ATP8B1: variants seen among roughly 807,000 people sequenced by gnomAD.
The protein encoded by ATP8B1 is ATPase phospholipid transporting 8B1.
ATP8B1 carries 80 observed loss-of-function variants against 149.9 expected under a neutral mutation model. The ratio of observed to expected loss-of-function variants is 0.53; its 90% CI spans 0.45 to 0.64. The LOEUF (loss-of-function observed/expected upper bound fraction) is 0.64. Among genes scored for constraint, ATP8B1 ranks in the 30% least tolerant of loss-of-function variants. The probability of loss-of-function intolerance (pLI) is 0.00; values close to 1 mark genes in which losing one functional copy is unlikely to be tolerated. For missense variants in ATP8B1, 1,247 were observed against 1,552.6 expected, an observed-to-expected ratio of 0.80 and a Z score of 3.31; for synonymous variants, 536 against 562.8, an observed-to-expected ratio of 0.95 and a Z score of 0.67.
At chr18:57,720,820 G>C (rs532984063) in intron 2 of ATP8B1, among the ~76,000 whole-genome samples, 1 of 151,826 alleles carries the variant, frequency 6.6e-6, no homozygotes, top group East Asian at 1.9e-4. Context: ...TGAAATGAAA[G>C]AAAAAATGTT....
At chr18:57,773,059 T>C (rs1410860752) in intron 1 of ATP8B1, among the ~76,000 whole-genome samples, 1 of 151,694 alleles carries the variant, frequency 6.6e-6, no homozygotes, top group African/African-American at 2.4e-5. Flanking sequence ...AAAAATTAGC[T>C]GGGTGTGGTG....
chr18:57,674,851 T>C lies in ATP8B1; in HGVS notation c.1802A>G (p.Lys601Arg), dbSNP rs770742986. 6.2e-7 allele frequency: 1 copy of C among 1,614,146 alleles called. No individual in the cohort carries two copies. Among genetic ancestry groups the C allele is most frequent in the Non-Finnish European group, 8.5e-7 (1 of 1,179,972 alleles). ...GGACTTACCAATGATAGACATTCGCTTCCGGTCACTGTTGAAGTCCAAAAT... is the reference window on the plus strand; with the variant it reads ...GGACTTACCAATGATAGACATTCGCCTCCGGTCACTGTTGAAGTCCAAAAT... Reference protein sequence around the residue: ...LAILDFNSDRKRMSIIVRTPE... With the variant: ...LAILDFNSDRRRMSIIVRTPE... The change falls in exon 16 of 28, where the codon AAG becomes AGG. Residue 601 changes from lysine (K) to arginine (R), a missense_variant. By Grantham distance (26) the Lys-to-Arg change is conservative. Transcript: ENST00000648908.
chr18:57,647,628 T>C lies in ATP8B1; in HGVS notation c.*860A>G, dbSNP rs576003762. 5.2e-4 allele frequency: 80 copies of C among 152,780 alleles called. No individual in the cohort carries two copies. The highest frequency in any genetic ancestry group is 1.8e-3 in the African/African-American group (74 of 41,586). 9.5% of individuals were successfully genotyped at this position (152,780 alleles called of 1,614,324 possible). A position where few individuals can be genotyped will look rare whatever the true frequency, so the allele number is the denominator to read the frequency against. On this transcript the variant is annotated 3_prime_UTR_variant, in exon 28 of 28. Coordinates refer to ENST00000648908, the MANE Select transcript of ATP8B1 (RefSeq NM_001374385.1). ...ACTGTAATTTTATAATACAATACCA[T>C]TTGAACTGAAATACAACATGCTTTG...
intron 1 of ATP8B1, among the ~76,000 whole-genome samples, chr18:57,770,894 C>T (rs568253842): frequency 2.0e-5 from 3 of 152,326 alleles, no homozygotes; most frequent in East Asian, 3.9e-4. Context: ...AACAGAGTCT[C>T]GCTCTGTCGC....
In ATP8B1 at chr18:57,652,137, A is replaced by G; in HGVS notation, c.3297T>C (p.Asn1099=). Residue 1099 remains asparagine, a synonymous_variant, in exon 26 of 28, where the codon AAT becomes AAC. Coordinates refer to ENST00000648908, the MANE Select transcript of ATP8B1 (RefSeq NM_001374385.1). ...GLDTSYWTFV[N]AFSIFGSIAL... Reference sequence around the variant, plus strand: ...CAATGCTTCCAAAAATTGAAAAAGCATTCACAAAAGTCCAATAAGAAGTAT... The same window carrying G: ...CAATGCTTCCAAAAATTGAAAAAGCGTTCACAAAAGTCCAATAAGAAGTAT... 6.2e-7 allele frequency: 1 copy of G among 1,614,196 alleles called. No homozygotes were observed. Among genetic ancestry groups the G allele is most frequent in the Non-Finnish European group, 8.5e-7 (1 of 1,180,010 alleles).
intron 2 of ATP8B1, 79 bp downstream of exon 2, chr18:57,731,548 C>T (rs537669782): frequency 7.5e-5 from 113 of 1,497,192 alleles, no homozygotes; most frequent in Non-Finnish European, 9.4e-5. Context: ...CAAAATAGAC[C>T]GATCATCTTT....
rs1286667862 is a variant in ATP8B1 at position 57,802,486 on chromosome 18, T to A, written c.-26+512A>T. On this transcript the variant is annotated intron_variant, in intron 1 of 27. Coordinates refer to ENST00000648908, the MANE Select transcript of ATP8B1 (RefSeq NM_001374385.1). This position sits in a 1 kb window ranked among gnomAD's most constrained non-coding sequence, Gnocchi z 4.9. The stretch of plus-strand genomic sequence containing the variant: ...GAGGAGAGCGATCTCACCCCCTCCA[T>A]CCCTCCCGGCAGGTGGGCCGCGGTC... Among the ~76,000 whole-genome samples, 2 of 152,016 alleles carry A rather than the reference T, an allele frequency of 1.3e-5. No individual in the cohort carries two copies. The highest frequency in any genetic ancestry group is 4.8e-5 in the African/African-American group (2 of 41,398).
chr18:57,662,890 A>G (rs1164640128), intron 20 of ATP8B1, among the ~76,000 whole-genome samples: 1 of 152,124 alleles, frequency 6.6e-6, no homozygotes, highest in African/African-American at 2.4e-5. Context: ...AGTTGCTGGG[A>G]CTATAGGCAC....
Position 57,655,177 on chromosome 18 carries a change from TAAC to T in ATP8B1, c.2931+14_2931+16del. On this transcript the variant is annotated intron_variant, in intron 23 of 27. Coordinates refer to ENST00000648908, the MANE Select transcript of ATP8B1 (RefSeq NM_001374385.1). ...AGCTCTACTTAGTAAATAACAATAA[TAAC>T]AACATTACATTACCTGCGCAGAGTA... 2 of 1,575,892 alleles carry T rather than the reference TAAC, an allele frequency of 1.3e-6. No homozygotes were observed. The highest frequency in any genetic ancestry group is 1.1e-5 in the South Asian group (1 of 90,256).
chr18:57,780,919 A>G (rs747156664), intron 1 of ATP8B1, among the ~76,000 whole-genome samples: 1 of 152,224 alleles, frequency 6.6e-6, no homozygotes, highest in African/African-American at 2.4e-5. Context: ...TGATTCCAAC[A>G]GAATTTCTAC....
intron 1 of ATP8B1, among the ~76,000 whole-genome samples, chr18:57,741,253 C>A: frequency 6.6e-6 from 1 of 152,052 alleles, no homozygotes; most frequent in East Asian, 1.9e-4. Flanking sequence ...TGCTTCTAAC[C>A]AATAGAATAT....
At chr18:57,668,756 C>T (rs773424846) in intron 18 of ATP8B1, 1 of 505,982 alleles carries the variant, frequency 2.0e-6, no homozygotes, top group Non-Finnish European at 3.5e-6. Flanking sequence ...AAAGGATGAA[C>T]TATTTAATTT....
chr18:57,656,352 C>T (rs1249273442), intron 22 of ATP8B1, among the ~76,000 whole-genome samples: 1 of 150,662 alleles, frequency 6.6e-6, no homozygotes, highest in Non-Finnish European at 1.5e-5. Context: ...GGTCTAAATT[C>T]TTGAGGTAAG....
chr18:57,800,987 C>T (rs2080567633), intron 1 of ATP8B1, among the ~76,000 whole-genome samples: 1 of 152,178 alleles, frequency 6.6e-6, no homozygotes. Context: ...TGCCTTACCA[C>T]CGAAGACTTC....
At chr18:57,747,743 G>A (rs971441467) in intron 1 of ATP8B1, among the ~76,000 whole-genome samples, 1 of 152,178 alleles carries the variant, frequency 6.6e-6, no homozygotes, top group Non-Finnish European at 1.5e-5. Flanking sequence ...GGTCGACAGA[G>A]CCTTACCTCT....
Position 57,650,452 on chromosome 18 carries a change from A to G in ATP8B1, c.3446T>C (p.Ile1149Thr). The G allele has an allele frequency of 6.2e-7, 1 of 1,614,008 alleles. No individual in the cohort carries two copies. Among genetic ancestry groups the G allele is most frequent in the Non-Finnish European group, 8.5e-7 (1 of 1,179,896 alleles). ...ALRQPYIWLT[I>T]ILAVAVCLLP... is the part of the protein sequence containing the mutation. ...TAAGCACACAGCAACAGCCAGGATG[A>G]TAGTTAACCAAATGTATGGCTGTCT... The change falls in exon 27 of 28, where the codon ATC (isoleucine) becomes ACC (threonine). Residue 1149 changes from isoleucine (I) to threonine (T), a missense_variant. Transcript: ENST00000648908.
intron 1 of ATP8B1, among the ~76,000 whole-genome samples, chr18:57,794,312 A>G (rs1364968199): frequency 6.6e-6 from 1 of 152,098 alleles, no homozygotes; most frequent in East Asian, 1.9e-4. Context: ...ATGTCTAATT[A>G]TTACATAAAG....
rs775880168 is a variant in ATP8B1, at chr18:57,731,802, A to T, written c.6T>A (p.Ser2Arg). 2 of 1,613,948 alleles carry T rather than the reference A, an allele frequency of 1.2e-6. No individual in the cohort carries two copies. Among genetic ancestry groups the T allele is most frequent in the Admixed American group, 3.3e-5 (2 of 59,978 alleles). The change falls in exon 2 of 28, where the codon AGT becomes AGA. Residue 2 changes from serine to arginine, a missense_variant. Around this residue, in one of 3 missense-constraint regions of ATP8B1, gnomAD observed 853 missense variants for 1,035.7 expected, o/e 0.82. Coordinates refer to ENST00000648908, the MANE Select transcript of ATP8B1 (RefSeq NM_001374385.1). ...ATGTCGTTTCTGAGTCTCTTTCTGT[A>T]CTCATTCTGCTGGCAAATTGGAACT... The part of the protein sequence containing the change: M[S>R]TERDSETTFD...
At chr18:57,797,254 C>A (rs887741920) in intron 1 of ATP8B1, among the ~76,000 whole-genome samples, 1 of 152,182 alleles carries the variant, frequency 6.6e-6, no homozygotes, top group Non-Finnish European at 1.5e-5. Flanking sequence ...CTAAATCAAA[C>A]AAACCGCAAC....
Sources: gnomAD v4.1 joint callset for allele counts (sites outside exome capture counted in the v4.1 genomes callset) on GRCh38, gnomAD v4.1.1 for gene constraint, gnomAD v4.1.1 regional missense constraint, Gnocchi (gnomAD v3.1) non-coding constraint, MANE v1.5 for transcripts, NCBI Gene and HGNC (gene_info 2026-07-23, HGNC 2026-07-21) for gene names.